The following TRIM13 variants were observed in gnomAD, a reference collection of about 807,000 sequenced individuals.
TRIM13 encodes the protein E3 ubiquitin-protein ligase TRIM13.
A neutral mutation model predicts 27.1 loss-of-function variants in TRIM13; 15 were observed. The ratio of observed to expected loss-of-function variants is 0.55; its 90% CI spans 0.37 to 0.85. The LOEUF (loss-of-function observed/expected upper bound fraction) is 0.85, where lower values mean the gene tolerates loss of function less well. Among genes scored for constraint, TRIM13 ranks in the 40% least tolerant of loss-of-function variants. The pLI, the probability that TRIM13 is intolerant of heterozygous loss-of-function variation, is 0.00. For missense variants in TRIM13, 402 were observed against 472.2 expected (o/e 0.85, Z 1.38); for synonymous variants, 193 against 171.5 (o/e 1.13, Z -0.98).
rs1430331561 is a variant in TRIM13, at chr13:50,014,378, T to TAAG, written c.*1215_*1216insAGA. ...ATATATATACACACACACACACACA[T>TAAG]ATGTACACATACATATATATACATA... On this transcript the variant is annotated 3_prime_UTR_variant, in exon 2 of 2. Coordinates refer to ENST00000378182, the MANE Select transcript of TRIM13 (RefSeq NM_213590.3). The TAAG allele has an allele frequency of 8.5e-6, 1 of 118,154 alleles. No homozygotes were observed. Among genetic ancestry groups the TAAG allele is most frequent in the African/African-American group, 3.6e-5 (1 of 27,668 alleles). The allele number at this position is 118,154 out of a possible 1,614,324, so 7.3% of individuals were successfully genotyped here.
chr13:49,999,113 G>T (rs61961295), intron 1 of TRIM13, among the ~76,000 whole-genome samples: 2 of 36,476 alleles, frequency 5.5e-5, no homozygotes, highest in Non-Finnish European at 3.3e-4. Context: ...GTGGGCGTCT[G>T]GGCCGCTCCC....
At chr13:50,004,919 T>C (rs976413658) in intron 1 of TRIM13, among the ~76,000 whole-genome samples, 3 of 151,200 alleles carry the variant, frequency 2.0e-5, no homozygotes, top group African/African-American at 4.9e-5. Flanking sequence ...CTACTAAAAA[T>C]ACAAAAATTA....
At chr13:50,007,654 G>T (rs1434427388) in intron 1 of TRIM13, among the ~76,000 whole-genome samples, 1 of 141,550 alleles carries the variant, frequency 7.1e-6, no homozygotes, top group Non-Finnish European at 1.5e-5. Context: ...GGTGGCAGGT[G>T]CCTGTAAATC....
In TRIM13 at chr13:49,997,504, A is replaced by G. The variant is rs1377604470; in HGVS notation, c.-266A>G. On this transcript the variant is annotated 5_prime_UTR_variant, in exon 1 of 2. Coordinates refer to ENST00000378182, the MANE Select transcript of TRIM13 (RefSeq NM_213590.3). ...CATGGCGCCGGGGGAGGGCGCCCTA[A>G]CCGAGAAGCTGCTTAATACAAAGAG... The G allele has an allele frequency of 6.6e-6, 1 of 152,178 alleles. No individual in the cohort carries two copies. Among genetic ancestry groups the G allele is most frequent in the Admixed American group, 6.5e-5 (1 of 15,272 alleles). 9.4% of individuals were successfully genotyped at this position (152,178 alleles called of 1,614,324 possible).
At chr13:50,009,761 A>G (rs892264703) in intron 1 of TRIM13, among the ~76,000 whole-genome samples, 1 of 149,234 alleles carries the variant, frequency 6.7e-6, no homozygotes, top group African/African-American at 2.5e-5. Context: ...AAAAAAAACA[A>G]CAACAACAAA....
chr13:50,014,898 T>C lies in TRIM13; in HGVS notation c.*1734T>C, dbSNP rs953229525. On this transcript the variant is annotated 3_prime_UTR_variant, in exon 2 of 2. Transcript: ENST00000378182. ...TAAAGCACAGAAGAAATGATTTCCT[T>C]CTAGCTATGAGAATAGTCAAATTGA... The C allele has an allele frequency of 1.2e-5, 2 of 166,380 alleles. No homozygotes were observed. Among genetic ancestry groups the C allele is most frequent in the African/African-American group, 4.9e-5 (2 of 41,194 alleles). 10.3% of individuals were successfully genotyped at this position (166,380 alleles called of 1,614,324 possible).
At position 50,014,405 on chromosome 13, in the gene TRIM13, ATATG is replaced by A. The variant is rs1157702206; in HGVS notation, c.*1245_*1248del. ...TGTACACATACATATATATACATAT[ATATG>A]TATATATAGAACACATGGCAAGAGC... On this transcript the variant is annotated 3_prime_UTR_variant, in exon 2 of 2. Transcript: ENST00000378182. 2 of 160,186 alleles carry A rather than the reference ATATG, an allele frequency of 1.2e-5. No individual in the cohort carries two copies. Among genetic ancestry groups the A allele is most frequent in the Admixed American group, 7.1e-5 (1 of 14,132 alleles). 9.9% of individuals were successfully genotyped at this position (160,186 alleles called of 1,614,324 possible). A position where few individuals can be genotyped will look rare whatever the true frequency, so the allele number is the denominator to read the frequency against.
rs1876711523 is a variant in TRIM13, at chr13:50,017,204, A to G, written c.*4040A>G. Reference sequence around the variant, plus strand: ...TGATGGGATACTTTAACAAAAATGAAATTTTTTTTGGTTTTTAAAATATGA... The same window carrying G: ...TGATGGGATACTTTAACAAAAATGAGATTTTTTTTGGTTTTTAAAATATGA... On this transcript the variant is annotated 3_prime_UTR_variant, in exon 2 of 2. Coordinates refer to ENST00000378182, the MANE Select transcript of TRIM13 (RefSeq NM_213590.3). 6.0e-6 allele frequency: 1 copy of G among 167,012 alleles called. No individual in the cohort carries two copies. The highest frequency in any genetic ancestry group is 1.5e-5 in the Non-Finnish European group (1 of 68,094). 10.3% of individuals were successfully genotyped at this position (167,012 alleles called of 1,614,324 possible). A position where few individuals can be genotyped will look rare whatever the true frequency, so the allele number is the denominator to read the frequency against.
In TRIM13 at chr13:50,015,104, T is replaced by A. The variant is rs1328263940; in HGVS notation, c.*1940T>A. The A allele has an allele frequency of 1.3e-3, 6 of 4,748 alleles. No individual in the cohort carries two copies. The highest frequency in any genetic ancestry group is 2.9e-3 in the African/African-American group (5 of 1,722). The allele number at this position is 4,748 out of a possible 1,614,324, so 0.3% of individuals were successfully genotyped here. ...AAAAAAAAAAAAAAAAATATATATA[T>A]ATATATATATATATATATATATATA... On this transcript the variant is annotated 3_prime_UTR_variant, in exon 2 of 2. Transcript: ENST00000378182.
intron 1 of TRIM13, 90 bp from the exon 2 acceptor site, chr13:50,011,844 AT>A: frequency 7.0e-7 from 1 of 1,425,510 alleles, no homozygotes; most frequent in Non-Finnish European, 9.4e-7. Context: ...GTGAAAAATC[AT>A]TTTAACGTGA....
chr13:49,997,164 T>G lies in TRIM13; in HGVS notation c.-606T>G, dbSNP rs2138316601. The G allele has an allele frequency of 6.6e-6, 1 of 151,740 alleles. No individual in the cohort carries two copies. The highest frequency in any genetic ancestry group is 2.0e-4 in the East Asian group (1 of 5,088). 9.4% of individuals were successfully genotyped at this position (151,740 alleles called of 1,614,324 possible). A position where few individuals can be genotyped will look rare whatever the true frequency, so the allele number is the denominator to read the frequency against. The stretch of plus-strand genomic sequence containing the variant: ...ATAAGTACCCGCCGCCCGGCTCCTC[T>G]CGGGAAAGCGGGGTGGTCCTCGAAC... On this transcript the variant is annotated 5_prime_UTR_variant, in exon 1 of 2. Transcript: ENST00000378182.
chr13:50,002,531 A>AT (rs1489123631), intron 1 of TRIM13, among the ~76,000 whole-genome samples: 2 of 152,116 alleles, frequency 1.3e-5, no homozygotes, highest in African/African-American at 4.8e-5. Flanking sequence ...CACCCATTTT[A>AT]TTGTGAAAAT....
rs184808162 is a variant in TRIM13 at position 50,009,798 on chromosome 13, G to A, written c.-6-2137G>A. On this transcript the variant is annotated intron_variant, in intron 1 of 1. Coordinates refer to ENST00000378182, the MANE Select transcript of TRIM13 (RefSeq NM_213590.3). ...AACACTAAAACTAAAAATTAGCAAG[G>A]CATGGTGGTGCACACCTGCAGTCTG... Among the ~76,000 whole-genome samples the A allele has an allele frequency of 4.0e-4, 61 of 150,784 alleles. No homozygotes were observed. The East Asian group carries it at 9.9e-3, about 25-fold the overall frequency.
intron 1 of TRIM13, chr13:50,001,250 C>T (rs1023627377): frequency 1.4e-5 from 2 of 141,908 alleles, no homozygotes; most frequent in African/African-American, 5.3e-5. Context: ...AAGATCACAC[C>T]ATTGCACTCC....
chr13:50,016,049 ACTG>A lies in TRIM13; in HGVS notation c.*2886_*2888del. The A allele has an allele frequency of 6.2e-7, 1 of 1,613,208 alleles. No individual in the cohort carries two copies. The highest frequency in any genetic ancestry group is 1.3e-5 in the African/African-American group (1 of 75,036). ...TTTCCAGTGTGGTTCTGACAGCACT[ACTG>A]ATAACCAAACTGGAGTCAGGTATTT... is the stretch of plus-strand genomic sequence containing the variant. On this transcript the variant is annotated 3_prime_UTR_variant, in exon 2 of 2. Coordinates refer to ENST00000378182, the MANE Select transcript of TRIM13 (RefSeq NM_213590.3).
At position 50,013,789 on chromosome 13, in the gene TRIM13, C is replaced by G. The variant is rs970861658; in HGVS notation, c.*625C>G. 2 of 166,770 alleles carry G rather than the reference C, an allele frequency of 1.2e-5. No homozygotes were observed. The highest frequency in any genetic ancestry group is 6.6e-5 in the Admixed American group (1 of 15,250). The allele number at this position is 166,770 out of a possible 1,614,324, so 10.3% of individuals were successfully genotyped here. A position where few individuals can be genotyped will look rare whatever the true frequency, so the allele number is the denominator to read the frequency against. ...TCCTGACCTCGTGATCCGCCTGCCT[C>G]GGCCTCCCAAAGTGCTGGGATTACA... On this transcript the variant is annotated 3_prime_UTR_variant, in exon 2 of 2. Transcript: ENST00000378182.
Position 50,013,274 on chromosome 13 carries a change from T to A in TRIM13, c.*110T>A. Reference sequence around the variant, plus strand: ...GTCACATATTTTCCTCCAAAAGTATTCCTTCCAAAAATAATCTATACATGT... The same window carrying A: ...GTCACATATTTTCCTCCAAAAGTATACCTTCCAAAAATAATCTATACATGT... On this transcript the variant is annotated 3_prime_UTR_variant, in exon 2 of 2. Coordinates refer to ENST00000378182, the MANE Select transcript of TRIM13 (RefSeq NM_213590.3). 2 of 1,154,630 alleles carry A rather than the reference T, an allele frequency of 1.7e-6. No homozygotes were observed. Among genetic ancestry groups the A allele is most frequent in the Non-Finnish European group, 2.4e-6 (2 of 838,584 alleles). 71.5% of individuals were successfully genotyped at this position (1,154,630 alleles called of 1,614,324 possible). A position where few individuals can be genotyped will look rare whatever the true frequency, so the allele number is the denominator to read the frequency against.
At chr13:49,999,982 G>T (rs907355352) in intron 1 of TRIM13, among the ~76,000 whole-genome samples, 4 of 152,068 alleles carry the variant, frequency 2.6e-5, no homozygotes, top group Admixed American at 2.6e-4. Flanking sequence ...GGGTGTCTTA[G>T]TTTTTTTGAC....
chr13:49,999,201 G>A (rs1479734913), intron 1 of TRIM13, among the ~76,000 whole-genome samples: 1 of 152,040 alleles, frequency 6.6e-6, no homozygotes, highest in East Asian at 1.9e-4. Flanking sequence ...GCGGCCCCAG[G>A]TAGAAGCTAC....
Sources: allele counts gnomAD v4.1 joint callset (sites outside exome capture counted in the v4.1 genomes callset), GRCh38; gene constraint gnomAD v4.1.1; transcripts MANE v1.5; gene names NCBI Gene and HGNC (gene_info 2026-07-23, HGNC 2026-07-21).